Variants in GNA12 observed in about 807,000 individuals in gnomAD.
GNA12 encodes G protein subunit alpha 12, also known as guanine nucleotide-binding protein subunit alpha-12.
GNA12 carries 9 observed loss-of-function variants against 26.0 expected under a neutral mutation model. That is an observed-to-expected ratio of 0.35 (90% CI 0.21 to 0.60). The LOEUF is 0.60. GNA12 is among the 20% of genes least tolerant of loss of function. GNA12 has a pLI of 0.78. For missense variants in GNA12, 405 were observed against 525.8 expected (o/e 0.77, Z 2.25); for synonymous variants, 264 against 219.6 (o/e 1.20, Z -1.79).
At chr7:2,797,698 A>G (rs879410106) in intron 1 of GNA12, among the ~76,000 whole-genome samples, 1 of 152,114 alleles carries the variant, frequency 6.6e-6, no homozygotes, top group Non-Finnish European at 1.5e-5. Context: ...ATGACCAAAG[A>G]GTAGTTGAAA....
At chr7:2,745,731 G>C (rs866477399) in intron 2 of GNA12, among the ~76,000 whole-genome samples, 5 of 152,184 alleles carry the variant, frequency 3.3e-5, no homozygotes, top group South Asian at 4.1e-4. Context: ...TGGCAAATTG[G>C]ATAAAGAGTC....
rs943154193 is a variant in GNA12 at position 2,791,534 on chromosome 7, C to A, written c.525+3394G>T. The stretch of plus-strand genomic sequence containing the variant: ...ACTGGAATGGCAGGAAAAAGCAAGA[C>A]GGCAGAGGGAACAGGGAGGCGCCTA... On this transcript the variant is annotated intron_variant, in intron 2 of 3. Transcript: ENST00000275364. Among the ~76,000 whole-genome samples, 3 of 152,110 alleles carry A rather than the reference C, an allele frequency of 2.0e-5. 1 individual carries two copies. The highest frequency in any genetic ancestry group is 4.1e-4 in the South Asian group (2 of 4,824).
intron 2 of GNA12, among the ~76,000 whole-genome samples, chr7:2,750,459 T>C (rs987391310): frequency 5.9e-5 from 9 of 152,240 alleles, no homozygotes; most frequent in African/African-American, 1.7e-4. Flanking sequence ...AAGCCTTGAA[T>C]AATACCCAAC....
intron 2 of GNA12, among the ~76,000 whole-genome samples, chr7:2,749,834 G>A (rs936614558): frequency 6.6e-6 from 1 of 152,038 alleles, no homozygotes; most frequent in African/African-American, 2.4e-5. Context: ...ACTGAAATTA[G>A]ATTAATAGAG....
chr7:2,732,907 G>C (rs1027352056), intron 3 of GNA12, among the ~76,000 whole-genome samples: 1 of 152,166 alleles, frequency 6.6e-6, no homozygotes, highest in Non-Finnish European at 1.5e-5. Flanking sequence ...CTAAAACAAA[G>C]CAAAATCAAC....
intron 2 of GNA12, among the ~76,000 whole-genome samples, chr7:2,767,149 CAT>C (rs1280674024): frequency 6.6e-6 from 1 of 152,218 alleles, no homozygotes; most frequent in East Asian, 1.9e-4. Flanking sequence ...ACTCTTTTCA[CAT>C]ATATGATTTG....
chr7:2,835,705 A>G lies in GNA12; in HGVS notation c.309+8148T>C, dbSNP rs1778818719. The G allele has an allele frequency of 1.1e-5, 11 of 1,038,012 alleles. 1 individual carries two copies. In the East Asian group the frequency reaches 2.1e-4, roughly 20 times the overall value. The allele number at this position is 1,038,012 out of a possible 1,614,324, so 64.3% of individuals were successfully genotyped here. ...ACAAAAGATAAACAAATTTGCATGG[A>G]ATACAAGTAGAATCACAGAGCTGAA... On this transcript the variant is annotated intron_variant, in intron 1 of 3. Transcript: ENST00000275364.
intron 2 of GNA12, among the ~76,000 whole-genome samples, chr7:2,758,318 G>A (rs893288231): frequency 6.6e-6 from 1 of 152,108 alleles, no homozygotes; most frequent in Non-Finnish European, 1.5e-5. Flanking sequence ...TATCTCATTC[G>A]CCATCCAAGT....
chr7:2,835,484 G>C, intron 1 of GNA12: 1 of 374,324 alleles, frequency 2.7e-6, no homozygotes, highest in Non-Finnish European at 5.0e-6. Flanking sequence ...CCAGCTTTTA[G>C]GGATCATTGG....
chr7:2,793,854 G>C (rs208338), intron 2 of GNA12, among the ~76,000 whole-genome samples: 135,585 of 146,110 alleles, frequency 0.93, 63,012 homozygotes, highest in East Asian at 1. Flanking sequence ...TGCACTCCAG[G>C]CTGGGCAACA....
chr7:2,737,279 TTTTTTTTTTG>T (rs1490872362), intron 2 of GNA12, among the ~76,000 whole-genome samples: 2,016 of 72,592 alleles, frequency 0.028, 115 homozygotes, highest in African/African-American at 0.058. Flanking sequence ...GTTTTGTTTT[TTTTTTTTTTG>T]TTTTTTTTTT....
At chr7:2,734,692 C>T (rs1446593225) in intron 2 of GNA12, among the ~76,000 whole-genome samples, 2 of 152,222 alleles carry the variant, frequency 1.3e-5, no homozygotes, top group African/African-American at 2.4e-5. Context: ...TACTTTAGAA[C>T]GAAGGCCTCT....
intron 2 of GNA12, among the ~76,000 whole-genome samples, chr7:2,742,921 T>C (rs879318053): frequency 6.6e-6 from 1 of 152,256 alleles, no homozygotes; most frequent in African/African-American, 2.4e-5. Flanking sequence ...ATTCTAATAA[T>C]AGACCTGTAG....
chr7:2,839,450 C>G (rs746489176), intron 1 of GNA12, among the ~76,000 whole-genome samples: 2 of 152,170 alleles, frequency 1.3e-5, no homozygotes, highest in Non-Finnish European at 2.9e-5. Flanking sequence ...GTGGCGTGCT[C>G]TCTGTGCACT....
chr7:2,737,499 G>A (rs1244514417), intron 2 of GNA12, among the ~76,000 whole-genome samples: 1 of 151,970 alleles, frequency 6.6e-6, no homozygotes, highest in Non-Finnish European at 1.5e-5. Context: ...AGGTTAACCA[G>A]GCTGGTCTCG....
chr7:2,768,154 C>A (rs1174553287), intron 2 of GNA12, among the ~76,000 whole-genome samples: 1 of 152,206 alleles, frequency 6.6e-6, no homozygotes, highest in Non-Finnish European at 1.5e-5. Context: ...CGCTTACAGA[C>A]CTAATGGAGA....
At chr7:2,781,547 T>C (rs1202485722) in intron 2 of GNA12, among the ~76,000 whole-genome samples, 1 of 151,990 alleles carries the variant, frequency 6.6e-6, no homozygotes, top group East Asian at 1.9e-4. Context: ...AAAAGATAAA[T>C]CTTAATATCT....
intron 2 of GNA12, among the ~76,000 whole-genome samples, chr7:2,739,922 C>T (rs1055046035): frequency 6.6e-6 from 1 of 152,212 alleles, no homozygotes; most frequent in Admixed American, 6.5e-5. Context: ...ATCCGCCCGC[C>T]TTGGCCTCTG....
intron 2 of GNA12, among the ~76,000 whole-genome samples, chr7:2,734,703 G>A (rs952220724): frequency 4.6e-5 from 7 of 152,194 alleles, no homozygotes; most frequent in Non-Finnish European, 8.8e-5. Context: ...GAAGGCCTCT[G>A]GATGTTTTCA....
Sources: allele counts gnomAD v4.1 joint callset (sites outside exome capture counted in the v4.1 genomes callset), GRCh38; gene constraint gnomAD v4.1.1; transcripts MANE v1.5; gene names NCBI Gene and HGNC (gene_info 2026-07-23, HGNC 2026-07-21).